The following RFC1 variants were observed in gnomAD, a reference collection of about 807,000 sequenced individuals.
RFC1 encodes replication factor C subunit 1.
In RFC1, 37 loss-of-function variants were observed where a neutral mutation model predicts 137.4. The ratio of observed to expected loss-of-function variants is 0.27; its 90% CI spans 0.21 to 0.35. The LOEUF (loss-of-function observed/expected upper bound fraction) is 0.35, where lower values mean the gene tolerates loss of function less well. RFC1 is among the 10% of genes least tolerant of loss of function. The pLI is 1.00. For synonymous variants in RFC1, 429 were observed against 455.7 expected, an observed-to-expected ratio of 0.94 and a Z score of 0.75; for missense variants, 1,205 against 1,358.5, an observed-to-expected ratio of 0.89 and a Z score of 1.78.
At chr4:39,317,110 T>C in intron 9 of RFC1, 88 bp from the exon 10 acceptor site, 1 of 777,982 alleles carries the variant, frequency 1.3e-6, no homozygotes, top group Non-Finnish European at 2.1e-6. Flanking sequence ...ACATTATTTT[T>C]ATTGTGTCAC....
Position 39,295,620 on chromosome 4 carries a change from C to T in RFC1, c.2948G>A (p.Ser983Asn), listed in dbSNP as rs1181166261. Reference sequence around the variant, plus strand: ...ACAGAGTAATCCCACCTACCTGAGACTCATATGCAAGGCCAGGTCCTGAAC... The same window carrying T: ...ACAGAGTAATCCCACCTACCTGAGATTCATATGCAAGGCCAGGTCCTGAAC... Reference protein sequence around the residue: ...RIVQDLALHMSLRTYSSKRTV... With the variant: ...RIVQDLALHMNLRTYSSKRTV... The change falls in exon 22 of 25, where the codon AGT becomes AAT. Residue 983 changes from serine (S) to asparagine (N), a missense_variant. Transcript: ENST00000349703. 13 of 1,607,058 alleles carry T rather than the reference C, an allele frequency of 8.1e-6. No individual in the cohort carries two copies. Among genetic ancestry groups the T allele is most frequent in the Admixed American group, 1.7e-5 (1 of 59,198 alleles).
intron 20 of RFC1, 60 bp from the exon 21 acceptor site, chr4:39,300,198 G>C (rs1475607491): frequency 1.4e-5 from 23 of 1,609,836 alleles, no homozygotes; most frequent in Admixed American, 6.7e-5. Context: ...CCTTCTTCAC[G>C]GGTATTTAGC....
chr4:39,291,304 T>C lies in RFC1; in HGVS notation c.3168+335A>G, dbSNP rs74958668. Among the ~76,000 whole-genome samples, 451 of 152,304 alleles carry C rather than the reference T, an allele frequency of 3.0e-3. 2 individuals carry two copies. The highest frequency in any genetic ancestry group is 0.01 in the African/African-American group (426 of 41,560). On this transcript the variant is annotated intron_variant, in intron 23 of 24. Coordinates refer to ENST00000349703, the MANE Select transcript of RFC1 (RefSeq NM_002913.5). Reference sequence around the variant, plus strand: ...AACATATTTTATTTTTACAACCCATTACCACCAGAGCTCACCGCTCAACTT... The same window carrying C: ...AACATATTTTATTTTTACAACCCATCACCACCAGAGCTCACCGCTCAACTT...
Position 39,301,454 on chromosome 4 carries a change from CTG to C in RFC1, c.2535+822_2535+823del, listed in dbSNP as rs1181493682. Among the ~76,000 whole-genome samples, 4 of 152,326 alleles carry C rather than the reference CTG, an allele frequency of 2.6e-5. No homozygotes were observed. The East Asian group carries it at 7.7e-4, about 29-fold the overall frequency. On this transcript the variant is annotated intron_variant, in intron 19 of 24. Coordinates refer to ENST00000349703, the MANE Select transcript of RFC1 (RefSeq NM_002913.5). ...GACTCTGGGTGATAATGAGGTATCA[CTG>C]TAGGTTCATCGATTGTAACAGATAT... is the stretch of plus-strand genomic sequence containing the variant.
chr4:39,354,431 G>T (rs1741357589), intron 1 of RFC1, among the ~76,000 whole-genome samples: 1 of 152,090 alleles, frequency 6.6e-6, no homozygotes, highest in Non-Finnish European at 1.5e-5. Context: ...CCCAAATAAT[G>T]AATCTAAACA....
intron 1 of RFC1, 150 bp downstream of exon 1, chr4:39,366,089 C>T: frequency 1.2e-6 from 1 of 819,050 alleles, no homozygotes; most frequent in Middle Eastern, 4.0e-4. Flanking sequence ...CGTCCAGTGC[C>T]CGGTGTGCGG....
In RFC1 at chr4:39,355,663, TG is replaced by T. The variant is rs1366588919; in HGVS notation, c.4-4188del. On this transcript the variant is annotated intron_variant, in intron 1 of 24. Coordinates refer to ENST00000349703, the MANE Select transcript of RFC1 (RefSeq NM_002913.5). ...ATAATGCCCATATCTGTCAAGGATG[TG>T]GGGAAACAGATGCTCACGCACTATA... 2.6e-5 allele frequency among the ~76,000 whole-genome samples: 4 copies of T among 152,312 alleles called. No individual in the cohort carries two copies. In the East Asian group the frequency reaches 7.7e-4, roughly 29 times the overall value.
chr4:39,327,515 A>T lies in RFC1; in HGVS notation c.564+9T>A, dbSNP rs1739834622. 6.3e-7 allele frequency: 1 copy of T among 1,585,572 alleles called. No individual in the cohort carries two copies. The highest frequency in any genetic ancestry group is 1.4e-5 in the African/African-American group (1 of 73,888). ...CCTGAGCATACTTGCTTATATGTAG[A>T]ACACTTACCTCTTTTCTTTTGCTTG... On this transcript the variant is annotated intron_variant, in intron 5 of 24. Coordinates refer to ENST00000349703, the MANE Select transcript of RFC1 (RefSeq NM_002913.5).
In RFC1 at chr4:39,345,492, T is replaced by C. The variant is rs370807296; in HGVS notation, c.133-16A>G. 7.5e-6 allele frequency: 12 copies of C among 1,589,602 alleles called. No homozygotes were observed. The highest frequency in any genetic ancestry group is 4.1e-5 in the African/African-American group (3 of 73,878). On this transcript the variant is annotated splice_polypyrimidine_tract_variant and intron_variant, in intron 2 of 24. Transcript: ENST00000349703. ...AGCTATTTACCTATAAACATCACAATATAATTAGAACATAAAGAAGCCTAT... is the reference window on the plus strand; with the variant it reads ...AGCTATTTACCTATAAACATCACAACATAATTAGAACATAAAGAAGCCTAT...
At chr4:39,291,611 C>G (rs760699666) in intron 23 of RFC1, 28 bp downstream of exon 23, 1 of 1,509,464 alleles carries the variant, frequency 6.6e-7, no homozygotes, top group Non-Finnish European at 9.2e-7. Context: ...TAGAAAGTGA[C>G]GAAGAACCAG....
chr4:39,360,867 C>T (rs2109781613), intron 1 of RFC1, among the ~76,000 whole-genome samples: 1 of 152,280 alleles, frequency 6.6e-6, no homozygotes, highest in South Asian at 2.1e-4. Flanking sequence ...GGTTTTACTT[C>T]TCTATTTTGA....
intron 1 of RFC1, among the ~76,000 whole-genome samples, chr4:39,358,401 G>C (rs1016292114): frequency 6.6e-6 from 1 of 152,208 alleles, no homozygotes; most frequent in African/African-American, 2.4e-5. Flanking sequence ...GCAACAGTGC[G>C]AGAGATGTTT....
Position 39,332,632 on chromosome 4 carries a change from TAA to T in RFC1, c.332-4878_332-4877del. 1.3e-5 allele frequency among the ~76,000 whole-genome samples: 2 copies of T among 152,216 alleles called. 1 individual carries two copies. The highest frequency in any genetic ancestry group is 1.3e-4 in the Admixed American group (2 of 15,284). ...TCCTTAGGAAAGTTTTTCCTTATATTAAGTCAAAATACTTCCCTGTGAATTCC... is the reference window on the plus strand; with the variant it reads ...TCCTTAGGAAAGTTTTTCCTTATATTGTCAAAATACTTCCCTGTGAATTCC... On this transcript the variant is annotated intron_variant, in intron 4 of 24. Coordinates refer to ENST00000349703, the MANE Select transcript of RFC1 (RefSeq NM_002913.5).
intron 4 of RFC1, among the ~76,000 whole-genome samples, chr4:39,329,155 C>CAAAAAAAAAAAAAAAAA (rs1739952751): frequency 7.8e-5 from 3 of 38,558 alleles, no homozygotes; most frequent in South Asian, 1.1e-3. Context: ...AAAAAAAAAG[C>CAAAAAAAAAAAAAAAAA]TTTTCGATTT....
At position 39,291,834 on chromosome 4, in the gene RFC1, C is replaced by T. The variant is rs1024638168; in HGVS notation, c.2973G>A (p.Arg991=). 2.5e-6 allele frequency: 4 copies of T among 1,613,908 alleles called. No individual in the cohort carries two copies. The highest frequency in any genetic ancestry group is 3.3e-5 in the Admixed American group (2 of 60,000). Residue 991 remains arginine (R), a synonymous_variant, in exon 23 of 25, where the codon AGG becomes AGA. Coordinates refer to ENST00000349703, the MANE Select transcript of RFC1 (RefSeq NM_002913.5). ...GCGACAGATAATCCATGTTTACAGT[C>T]CTTTTGCTGGAGTAAGTTCTGAAAC... The part of the protein sequence containing the change: ...HMSLRTYSSK[R]TVNMDYLSLL...
At chr4:39,299,610 CAAAAAA>C (rs970461214) in intron 21 of RFC1, among the ~76,000 whole-genome samples, 4 of 40,470 alleles carry the variant, frequency 9.9e-5, no homozygotes, top group African/African-American at 1.8e-4. Context: ...AACACTGTCT[CAAAAAA>C]AAAAAAAAAA....
In RFC1 at chr4:39,304,815, T is replaced by C; in HGVS notation, c.2109A>G (p.Ser703=). ...LNNTSIKGFY[S]NGAASSVSTK... is the part of the protein sequence containing the mutation. ...ACAGGAGGTCAAAAAGCCACATACT[T>C]GAATAAAAGCCTTTGATGCTGGTAT... Residue 703 remains serine, a splice_region_variant and synonymous_variant, in exon 15 of 25, where the codon TCA becomes TCG. Coordinates refer to ENST00000349703, the MANE Select transcript of RFC1 (RefSeq NM_002913.5). 1.3e-6 allele frequency: 2 copies of C among 1,582,908 alleles called. No homozygotes were observed. The highest frequency in any genetic ancestry group is 1.7e-6 in the Non-Finnish European group (2 of 1,151,782).
intron 14 of RFC1, among the ~76,000 whole-genome samples, chr4:39,305,686 G>A (rs1237200975): frequency 1.3e-5 from 2 of 152,060 alleles, no homozygotes; most frequent in Admixed American, 6.6e-5. Context: ...TCTTTGTCAC[G>A]ACACTATCCC....
chr4:39,305,570 T>G (rs1738596217), intron 14 of RFC1, among the ~76,000 whole-genome samples: 1 of 152,126 alleles, frequency 6.6e-6, no homozygotes, highest in Non-Finnish European at 1.5e-5. Context: ...ACCGTGCCAT[T>G]ACACTCCAGC....
Sources: allele counts gnomAD v4.1 joint callset (sites outside exome capture counted in the v4.1 genomes callset), GRCh38; gene constraint gnomAD v4.1.1; transcripts MANE v1.5; gene names NCBI Gene and HGNC (gene_info 2026-07-23, HGNC 2026-07-21).